Variants in TENM2 observed in about 807,000 individuals in gnomAD.
TENM2 encodes the protein teneurin-2.
Under a neutral mutation model 245.2 loss-of-function variants are expected in TENM2, and 52 were observed. The ratio of observed to expected loss-of-function variants is 0.21; its 90% confidence interval spans 0.17 to 0.27. The LOEUF (loss-of-function observed/expected upper bound fraction) is 0.27. TENM2 is among the 10% of genes least tolerant of loss of function. TENM2 has a pLI of 1.00. For missense variants in TENM2, 3,046 were observed against 3,666.8 expected, an observed-to-expected ratio of 0.83 and a Z score of 4.37; for synonymous variants, 1,363 against 1,438.9, an observed-to-expected ratio of 0.95 and a Z score of 1.19.
chr5:167,151,087 A>G, the TENM2 span, among the ~76,000 whole-genome samples: 7 of 152,164 alleles, frequency 4.6e-5, no homozygotes, highest in African/African-American at 1.7e-4. Flanking sequence ...CATGTATTTT[A>G]TTAAACCTCT....
intron 2 of TENM2, among the ~76,000 whole-genome samples, chr5:167,403,524 C>A (rs1762473797): frequency 6.6e-6 from 1 of 152,100 alleles, no homozygotes; most frequent in Non-Finnish European, 1.5e-5. Context: ...GGTCTTCATG[C>A]CTTCTACCTG....
chr5:168,033,761 T>A (rs1386922892), intron 5 of TENM2, among the ~76,000 whole-genome samples: 1 of 152,096 alleles, frequency 6.6e-6, no homozygotes, highest in East Asian at 1.9e-4. Flanking sequence ...GTAGCTGTAA[T>A]CACACCTGTA....
chr5:167,089,141 T>G, the TENM2 span, among the ~76,000 whole-genome samples: 1 of 152,222 alleles, frequency 6.6e-6, no homozygotes, highest in South Asian at 2.1e-4. Flanking sequence ...AAGAATATGC[T>G]TTTGCAAAGA....
At chr5:167,036,537 A>G in the TENM2 span, among the ~76,000 whole-genome samples, 1 of 152,190 alleles carries the variant, frequency 6.6e-6, no homozygotes, top group Admixed American at 6.5e-5. Flanking sequence ...TGCTTAAGTT[A>G]TATCGTGGAT....
intron 2 of TENM2, among the ~76,000 whole-genome samples, chr5:167,873,624 G>A (rs766606279): frequency 3.3e-5 from 5 of 152,266 alleles, no homozygotes; most frequent in South Asian, 2.1e-4. Context: ...CTAGCACAGC[G>A]AGTGGCAGAT....
At chr5:167,814,240 C>T (rs1766862555) in intron 2 of TENM2, among the ~76,000 whole-genome samples, 1 of 152,022 alleles carries the variant, frequency 6.6e-6, no homozygotes, top group African/African-American at 2.4e-5. Context: ...GTGCCAAGCC[C>T]AAGTCGTCTG....
chr5:167,483,495 A>T (rs1056000379), intron 2 of TENM2, among the ~76,000 whole-genome samples: 1 of 152,252 alleles, frequency 6.6e-6, no homozygotes, highest in Non-Finnish European at 1.5e-5. Flanking sequence ...AGGCATTTAA[A>T]TTTGAAGCCT....
At position 167,987,393 on chromosome 5, in the gene TENM2, T is replaced by C. The variant is rs375005050; in HGVS notation, c.948-5551T>C. On this transcript the variant is annotated intron_variant, in intron 4 of 28. Transcript: ENST00000518659. Reference sequence around the variant, plus strand: ...CCCAGGCTGGAGCGCAATGGCACGGTCTCAGCTCACTGCAACCTCTGCCTC... The same window carrying C: ...CCCAGGCTGGAGCGCAATGGCACGGCCTCAGCTCACTGCAACCTCTGCCTC... 1.3e-3 allele frequency among the ~76,000 whole-genome samples: 197 copies of C among 151,756 alleles called. 4 individuals carry two copies. In the South Asian group the frequency reaches 0.038, roughly 29 times the overall value.
chr5:167,249,571 G>T, the TENM2 span, among the ~76,000 whole-genome samples: 1 of 152,050 alleles, frequency 6.6e-6, no homozygotes, highest in South Asian at 2.1e-4. Context: ...GGTAGGTTTG[G>T]GGATGGTACG....
At chr5:166,996,040 G>A in the TENM2 span, among the ~76,000 whole-genome samples, 31 of 151,882 alleles carry the variant, frequency 2.0e-4, no homozygotes, top group South Asian at 6.3e-3. Context: ...ACTTTATAAA[G>A]ATTATCAAAG....
chr5:167,901,406 G>T (rs2151517798), intron 3 of TENM2, among the ~76,000 whole-genome samples: 1 of 152,266 alleles, frequency 6.6e-6, no homozygotes, highest in East Asian at 1.9e-4. Flanking sequence ...ACCAGGCTGA[G>T]CTATTACCTA....
chr5:167,793,120 T>C (rs1005853552), intron 2 of TENM2, among the ~76,000 whole-genome samples: 1 of 152,176 alleles, frequency 6.6e-6, no homozygotes, highest in African/African-American at 2.4e-5. Context: ...TTGCCCTTCA[T>C]AGTTAAATTA....
At chr5:168,249,511 A>C (rs1005137292) in intron 27 of TENM2, among the ~76,000 whole-genome samples, 1 of 150,724 alleles carries the variant, frequency 6.6e-6, no homozygotes, top group Non-Finnish European at 1.5e-5. Flanking sequence ...CAAGATTGGC[A>C]TAATACAGAA....
intron 2 of TENM2, among the ~76,000 whole-genome samples, chr5:167,872,525 A>G (rs1310392835): frequency 2.0e-5 from 1 of 50,188 alleles, no homozygotes; most frequent in East Asian, 3.7e-4. Flanking sequence ...AGAAAGAAAG[A>G]AAGAAAGAAA....
chr5:167,332,481 A>C (rs955367339), intron 1 of TENM2, among the ~76,000 whole-genome samples: 5 of 152,156 alleles, frequency 3.3e-5, no homozygotes, highest in Admixed American at 3.3e-4. Flanking sequence ...TTCCCTGGAG[A>C]ACAGCTTTGT....
chr5:167,275,555 C>T, the TENM2 span, among the ~76,000 whole-genome samples: 1 of 152,024 alleles, frequency 6.6e-6, no homozygotes, highest in African/African-American at 2.4e-5. Context: ...GGGTAGTTTG[C>T]ACCACATAAT....
the TENM2 span, among the ~76,000 whole-genome samples, chr5:167,044,230 C>A: frequency 1.3e-5 from 2 of 152,112 alleles, no homozygotes; most frequent in East Asian, 1.9e-4. Flanking sequence ...TAGAGAGAAT[C>A]TGGCAGATTG....
At chr5:167,804,581 A>C (rs1048904644) in intron 2 of TENM2, among the ~76,000 whole-genome samples, 1 of 152,116 alleles carries the variant, frequency 6.6e-6, no homozygotes, top group African/African-American at 2.4e-5. Flanking sequence ...ACCATGGGCT[A>C]TCTCCCTTTA....
intron 2 of TENM2, among the ~76,000 whole-genome samples, chr5:167,704,767 A>C (rs1758392548): frequency 6.6e-6 from 1 of 152,134 alleles, no homozygotes; most frequent in Non-Finnish European, 1.5e-5. Flanking sequence ...TTTTTACTTG[A>C]GTACTTTAAA....
Sources: gnomAD v4.1 joint callset for allele counts (sites outside exome capture counted in the v4.1 genomes callset) on GRCh38, gnomAD v4.1.1 for gene constraint, MANE v1.5 for transcripts, NCBI Gene and HGNC (gene_info 2026-07-23, HGNC 2026-07-21) for gene names.